Variants in BARD1 observed in about 807,000 individuals in gnomAD.
BARD1 encodes BRCA1 associated RING domain 1.
Under a neutral mutation model 77.0 loss-of-function variants are expected in BARD1, and 73 were observed. That is an observed-to-expected ratio of 0.95 (90% CI 0.79 to 1.15). The LOEUF is 1.15. Among genes scored for constraint, BARD1 ranks in the 50% most tolerant of loss-of-function variants. The pLI is 0.00. For missense variants in BARD1, 993 were observed against 938.8 expected, an observed-to-expected ratio of 1.06 and a Z score of -0.75; for synonymous variants, 384 against 338.0, an observed-to-expected ratio of 1.14 and a Z score of -1.49.
intron 2 of BARD1, chr2:214,796,675 C>CTTTTTTT: frequency 4.8e-6 from 1 of 207,846 alleles, no homozygotes. Flanking sequence ...GTTTTTGGTT[C>CTTTTTTT]TTTGTTATGG....
At position 214,786,921 on chromosome 2, in the gene BARD1, T is replaced by C. The variant is rs1277706127; in HGVS notation, c.364+5376A>G. Among the ~76,000 whole-genome samples, 3 of 151,924 alleles carry C rather than the reference T, an allele frequency of 2.0e-5. 1 individual carries two copies. The highest frequency in any genetic ancestry group is 4.1e-4 in the South Asian group (2 of 4,828). On this transcript the variant is annotated intron_variant, in intron 3 of 10. Transcript: ENST00000260947. ...AAGGTATTTTCTTTGCAGTGGTAAGTAGATTTCAAAACCAAGTCACTTCTG... is the reference window on the plus strand; with the variant it reads ...AAGGTATTTTCTTTGCAGTGGTAAGCAGATTTCAAAACCAAGTCACTTCTG...
chr2:214,797,194 GC>G, intron 1 of BARD1, 77 bp from the exon 2 acceptor site: 1 of 1,110,308 alleles, frequency 9.0e-7, no homozygotes. Flanking sequence ...TTCATCCAAG[GC>G]CCAACACTAC....
At chr2:214,796,856 A>G in intron 2 of BARD1, 1 of 575,550 alleles carries the variant, frequency 1.7e-6, no homozygotes, top group South Asian at 2.2e-5. Flanking sequence ...TAACTTGGAC[A>G]AGTCATCCTC....
chr2:214,791,184 G>C (rs894036157), intron 3 of BARD1, among the ~76,000 whole-genome samples: 1 of 152,140 alleles, frequency 6.6e-6, no homozygotes, highest in Non-Finnish European at 1.5e-5. Context: ...GAATGGAGTT[G>C]AATACAATGA....
At chr2:214,730,794 C>T in intron 9 of BARD1, 1 of 478,124 alleles carries the variant, frequency 2.1e-6, no homozygotes, top group Non-Finnish European at 4.0e-6. Context: ...AAAACCTAAG[C>T]CAGGATACTA....
intron 9 of BARD1, among the ~76,000 whole-genome samples, chr2:214,731,992 T>C (rs1056646407): frequency 6.6e-6 from 1 of 152,246 alleles, no homozygotes; most frequent in African/African-American, 2.4e-5. Context: ...CACATAGTTT[T>C]GAATATCAAA....
At chr2:214,733,359 C>G (rs1367812648) in intron 9 of BARD1, among the ~76,000 whole-genome samples, 1 of 152,174 alleles carries the variant, frequency 6.6e-6, no homozygotes, top group Non-Finnish European at 1.5e-5. Flanking sequence ...TTCATATACG[C>G]TTTATACAGA....
Position 214,788,047 on chromosome 2 carries a change from C to T in BARD1, c.364+4250G>A, listed in dbSNP as rs370126666. ...GAAAAACAACAGCAACACAGCTATT[C>T]AAACATTCATCTTCCTCTATTATAA... On this transcript the variant is annotated intron_variant, in intron 3 of 10. Transcript: ENST00000260947. Among the ~76,000 whole-genome samples the T allele has an allele frequency of 4.6e-5, 7 of 152,032 alleles. No homozygotes were observed. The East Asian group carries it at 9.6e-4, about 21-fold the overall frequency.
intron 9 of BARD1, among the ~76,000 whole-genome samples, chr2:214,742,047 T>C (rs1232741816): frequency 1.3e-5 from 2 of 152,220 alleles, no homozygotes; most frequent in African/African-American, 4.8e-5. Context: ...AAAGTTAATA[T>C]GAAAGTTTCC....
chr2:214,766,691 C>A (rs1000965375), intron 6 of BARD1, among the ~76,000 whole-genome samples: 2 of 152,304 alleles, frequency 1.3e-5, no homozygotes, highest in South Asian at 2.1e-4. Flanking sequence ...AAACTACACA[C>A]ATCCTCCCGT....
chr2:214,742,256 G>C (rs1290677818), intron 9 of BARD1, among the ~76,000 whole-genome samples: 2 of 152,194 alleles, frequency 1.3e-5, no homozygotes, highest in Non-Finnish European at 2.9e-5. Context: ...GCCAGGTGCA[G>C]TGATGTGCAC....
intron 1 of BARD1, among the ~76,000 whole-genome samples, chr2:214,806,261 GCT>G (rs1469480853): frequency 6.6e-6 from 1 of 152,200 alleles, no homozygotes; most frequent in African/African-American, 2.4e-5. Context: ...GCAGATGTCA[GCT>G]GCAAGCTGAA....
At chr2:214,737,471 T>C (rs1692617362) in intron 9 of BARD1, among the ~76,000 whole-genome samples, 1 of 152,132 alleles carries the variant, frequency 6.6e-6, no homozygotes, top group Non-Finnish European at 1.5e-5. Flanking sequence ...ATGTGCTTAC[T>C]CAATCCGACA....
intron 7 of BARD1, among the ~76,000 whole-genome samples, chr2:214,751,282 C>T (rs912270511): frequency 5.4e-5 from 8 of 147,052 alleles, no homozygotes; most frequent in African/African-American, 2.0e-4. Flanking sequence ...CTCAGTCTCC[C>T]TAGTAGCTGG....
At chr2:214,757,540 A>T (rs918574159) in intron 6 of BARD1, among the ~76,000 whole-genome samples, 2 of 152,152 alleles carry the variant, frequency 1.3e-5, no homozygotes, top group African/African-American at 2.4e-5. Flanking sequence ...ATTAATATAC[A>T]TAATGCATGA....
In BARD1 at chr2:214,744,079, T is replaced by C. The variant is rs78439854; in HGVS notation, c.1903+988A>G. ...TGTTAGCCATAGTATCAAAAGTAGA[T>C]ATGTTAACTATTAAGGAGTAGAAAA... On this transcript the variant is annotated intron_variant, in intron 9 of 10. Coordinates refer to ENST00000260947, the MANE Select transcript of BARD1 (RefSeq NM_000465.4). 5.5e-3 allele frequency among the ~76,000 whole-genome samples: 841 copies of C among 152,284 alleles called. 8 individuals carry two copies. Among genetic ancestry groups the C allele is most frequent in the African/African-American group, 0.019 (809 of 41,554 alleles).
chr2:214,803,177 C>G (rs975891047), intron 1 of BARD1, among the ~76,000 whole-genome samples: 1 of 139,582 alleles, frequency 7.2e-6, no homozygotes, highest in African/African-American at 2.8e-5. Context: ...CCCAGGGACA[C>G]AAACACTGCG....
At chr2:214,778,934 CTATG>C (rs1411499704) in intron 4 of BARD1, among the ~76,000 whole-genome samples, 1 of 152,118 alleles carries the variant, frequency 6.6e-6, no homozygotes, top group African/African-American at 2.4e-5. Flanking sequence ...ATATAAATTA[CTATG>C]TATTAGCCAG....
chr2:214,797,092 A>G lies in BARD1; in HGVS notation c.184T>C (p.Cys62Arg), dbSNP rs1386477312. The G allele has an allele frequency of 6.2e-7, 1 of 1,613,090 alleles. No individual in the cohort carries two copies. Among genetic ancestry groups the G allele is most frequent in the Non-Finnish European group, 8.5e-7 (1 of 1,179,196 alleles). The change falls in exon 2 of 11, where the codon TGT becomes CGT. Residue 62 changes from cysteine to arginine, a missense_variant. Transcript: ENST00000260947. Reference sequence around the variant, plus strand: ...AAGATGTGCTCACATCCTCCTAAACACACAGGCTCTCTCAGAATGTTAGTA... The same window carrying G: ...AAGATGTGCTCACATCCTCCTAAACGCACAGGCTCTCTCAGAATGTTAGTA... The part of the protein sequence containing the change: ...RCTNILREPV[C>R]LGGCEHIFCS...
Sources: allele counts gnomAD v4.1 joint callset (sites outside exome capture counted in the v4.1 genomes callset), GRCh38; gene constraint gnomAD v4.1.1; transcripts MANE v1.5; gene names NCBI Gene and HGNC (gene_info 2026-07-23, HGNC 2026-07-21).